COLGALT2: variants seen among roughly 807,000 people sequenced by gnomAD.
COLGALT2 encodes procollagen galactosyltransferase 2.
COLGALT2 carries 49 observed loss-of-function variants against 73.4 expected under a neutral mutation model. The observed-to-expected ratio is 0.67, with a 90% confidence interval of 0.53 to 0.85. COLGALT2 has a LOEUF of 0.85. COLGALT2 is among the 40% of genes least tolerant of loss of function. COLGALT2 has a pLI of 0.00. For synonymous variants in COLGALT2, 295 were observed against 307.6 expected (o/e 0.96, Z 0.43); for missense variants, 722 against 790.2 (o/e 0.91, Z 1.03).
intron 1 of COLGALT2, among the ~76,000 whole-genome samples, chr1:184,004,062 A>T (rs967532105): frequency 2.0e-5 from 3 of 152,240 alleles, no homozygotes; most frequent in Non-Finnish European, 4.4e-5. Context: ...ACCATGCAGG[A>T]TCTAAAACGG....
intron 1 of COLGALT2, among the ~76,000 whole-genome samples, chr1:183,998,861 TACTC>T (rs1323352983): frequency 2.0e-5 from 3 of 152,108 alleles, no homozygotes; most frequent in African/African-American, 7.2e-5. Flanking sequence ...ATCTGTTAGA[TACTC>T]AGTTGGTATC....
chr1:183,968,946 A>G (rs988078353), intron 5 of COLGALT2, among the ~76,000 whole-genome samples: 2 of 152,148 alleles, frequency 1.3e-5, no homozygotes, highest in Admixed American at 1.3e-4. Flanking sequence ...TTCCTAATTA[A>G]TAAATGAACT....
chr1:183,966,793 G>A (rs932424153), intron 5 of COLGALT2, among the ~76,000 whole-genome samples: 4 of 152,168 alleles, frequency 2.6e-5, no homozygotes, highest in Non-Finnish European at 2.9e-5. Context: ...GAACAGAGAC[G>A]CGCCTATGAC....
In COLGALT2 at chr1:183,936,413, A is replaced by C. The variant is rs937834933; in HGVS notation, c.*2348T>G. 1.0e-6 allele frequency: 1 copy of C among 986,242 alleles called. No individual in the cohort carries two copies. The highest frequency in any genetic ancestry group is 1.7e-5 in the African/African-American group (1 of 57,210). 61.1% of individuals were successfully genotyped at this position (986,242 alleles called of 1,614,324 possible). ...AGAAACAAACCGGGCTAAAGGAGAC[A>C]GAACTTTCTTCACAGTAGAACAGTC... On this transcript the variant is annotated 3_prime_UTR_variant, in exon 12 of 12. Coordinates refer to ENST00000361927, the MANE Select transcript of COLGALT2 (RefSeq NM_015101.4).
Position 183,978,520 on chromosome 1 carries a change from C to CCTGCAT in COLGALT2, c.264-6_264-1dup (p.Trp88delinsTer). On this transcript the variant is annotated stop_gained and splice_region_variant. Coordinates refer to ENST00000361927, the MANE Select transcript of COLGALT2 (RefSeq NM_015101.4). LOFTEE classifies it high-confidence loss of function. ...TATCCACATTGTGATCAGTGGCTGC[C>CCTGCAT]CTGCATGAGAGAAAGCACAATATAG... 6.3e-7 allele frequency: 1 copy of CCTGCAT among 1,577,250 alleles called. No individual in the cohort carries two copies. Among genetic ancestry groups the CCTGCAT allele is most frequent in the Non-Finnish European group, 8.7e-7 (1 of 1,148,242 alleles).
chr1:184,030,218 C>T (rs1397244086), intron 1 of COLGALT2, among the ~76,000 whole-genome samples: 1 of 152,134 alleles, frequency 6.6e-6, no homozygotes, highest in Non-Finnish European at 1.5e-5. Flanking sequence ...ATGCTAACAA[C>T]ATATCAATTA....
At position 184,003,645 on chromosome 1, in the gene COLGALT2, A is replaced by G. The variant is rs1671990005; in HGVS notation, c.264-25125T>C. Reference sequence around the variant, plus strand: ...TCACAGAATTGATGATTGTGGTAAAACAGTTGTGCTTTTTTGATACTAAGT... The same window carrying G: ...TCACAGAATTGATGATTGTGGTAAAGCAGTTGTGCTTTTTTGATACTAAGT... On this transcript the variant is annotated intron_variant, in intron 1 of 11. Coordinates refer to ENST00000361927, the MANE Select transcript of COLGALT2 (RefSeq NM_015101.4). Among the ~76,000 whole-genome samples the G allele has an allele frequency of 1.3e-5, 2 of 152,160 alleles. 1 individual carries two copies. Among genetic ancestry groups the G allele is most frequent in the South Asian group, 4.1e-4 (2 of 4,834 alleles).
chr1:183,938,156 C>CA lies in COLGALT2; in HGVS notation c.*604_*605insT. 1 of 986,050 alleles carries CA rather than the reference C, an allele frequency of 1.0e-6. No individual in the cohort carries two copies. The highest frequency in any genetic ancestry group is 1.2e-6 in the Non-Finnish European group (1 of 830,514). 61.1% of individuals were successfully genotyped at this position (986,050 alleles called of 1,614,324 possible). ...TGATGGTCACAGGCCAAGTCTCAGT[C>CA]GGACCCAAATACCCACCCCTACTGG... On this transcript the variant is annotated 3_prime_UTR_variant, in exon 12 of 12. Transcript: ENST00000361927.
At position 184,000,839 on chromosome 1, in the gene COLGALT2, T is replaced by G. The variant is rs866261371; in HGVS notation, c.264-22319A>C. 2.8e-3 allele frequency among the ~76,000 whole-genome samples: 417 copies of G among 148,232 alleles called. 1 individual carries two copies. The highest frequency in any genetic ancestry group is 9.4e-3 in the African/African-American group (373 of 39,806). The stretch of plus-strand genomic sequence containing the variant: ...TTCAGCCCCCCATTTTTTTTTTTTT[T>G]TTTTTTTTGAGACTGAGTCTCGCTC... On this transcript the variant is annotated intron_variant, in intron 1 of 11. Transcript: ENST00000361927.
intron 2 of COLGALT2, among the ~76,000 whole-genome samples, chr1:183,977,624 A>G (rs1457258909): frequency 2.0e-5 from 3 of 152,030 alleles, no homozygotes; most frequent in Non-Finnish European, 2.9e-5. Context: ...TGTCTCTACA[A>G]AAAATAAAAA....
intron 11 of COLGALT2, among the ~76,000 whole-genome samples, 172 bp downstream of exon 11, chr1:183,940,409 A>G (rs1236235642): frequency 6.6e-6 from 1 of 152,236 alleles, no homozygotes; most frequent in Non-Finnish European, 1.5e-5. Context: ...TCACCTTCCC[A>G]TCTGTACAAA....
At chr1:183,942,759 T>A (rs941993952) in intron 10 of COLGALT2, among the ~76,000 whole-genome samples, 18 of 152,252 alleles carry the variant, frequency 1.2e-4, no homozygotes, top group African/African-American at 4.3e-4. Flanking sequence ...TTTGACTTGA[T>A]CAACCTGTGA....
At chr1:183,942,264 C>T (rs1259519471) in intron 10 of COLGALT2, among the ~76,000 whole-genome samples, 2 of 151,622 alleles carry the variant, frequency 1.3e-5, no homozygotes, top group Non-Finnish European at 2.9e-5. Flanking sequence ...ACTTAAACAG[C>T]TGAAAATTTA....
In COLGALT2 at chr1:183,940,753, G is replaced by A. The variant is rs751313326; in HGVS notation, c.1432C>T (p.Pro478Ser). 3 of 1,614,200 alleles carry A rather than the reference G, an allele frequency of 1.9e-6. No homozygotes were observed. The highest frequency in any genetic ancestry group is 2.5e-6 in the Non-Finnish European group (3 of 1,180,022). ...IGRKRMQVKE[P>S]EKAVPNVANL... The stretch of plus-strand genomic sequence containing the variant: ...GCCACATTGGGCACTGCTTTCTCTG[G>A]CTCCTTTACTTGCATCCTCTTCCTA... The change falls in exon 11 of 12, where the codon CCA becomes TCA. Residue 478 changes from proline to serine, a missense_variant. Pro to Ser is a moderately conservative substitution (Grantham distance 74, BLOSUM62 -1). Transcript: ENST00000361927.
At chr1:183,962,768 C>T (rs1670750081) in intron 6 of COLGALT2, among the ~76,000 whole-genome samples, 1 of 152,208 alleles carries the variant, frequency 6.6e-6, no homozygotes, top group South Asian at 2.1e-4. Flanking sequence ...CCATGCATCC[C>T]ATGCATGCTC....
At chr1:183,958,189 T>G (rs1670604686) in intron 6 of COLGALT2, among the ~76,000 whole-genome samples, 1 of 152,174 alleles carries the variant, frequency 6.6e-6, no homozygotes, top group Non-Finnish European at 1.5e-5. Flanking sequence ...GTCATTGTCG[T>G]CATAACCCTT....
intron 11 of COLGALT2, among the ~76,000 whole-genome samples, chr1:183,940,370 C>G (rs1411410628): frequency 2.0e-5 from 3 of 152,222 alleles, no homozygotes; most frequent in Non-Finnish European, 4.4e-5. Context: ...TTACAAGAAT[C>G]TCTGGGCAGG....
intron 9 of COLGALT2, among the ~76,000 whole-genome samples, 189 bp from the exon 10 acceptor site, chr1:183,944,512 CAATT>C (rs1275081469): frequency 6.6e-6 from 1 of 152,092 alleles, no homozygotes; most frequent in African/African-American, 2.4e-5. Flanking sequence ...TATATGATCA[CAATT>C]AAACGCAACG....
chr1:184,028,765 A>G (rs1649406537), intron 1 of COLGALT2, among the ~76,000 whole-genome samples: 1 of 152,284 alleles, frequency 6.6e-6, no homozygotes, highest in South Asian at 2.1e-4. Context: ...TATTTATGTT[A>G]TTATTTGTGT....
Sources: gnomAD v4.1 joint callset for allele counts (sites outside exome capture counted in the v4.1 genomes callset) on GRCh38, gnomAD v4.1.1 for gene constraint, MANE v1.5 for transcripts, NCBI Gene and HGNC (gene_info 2026-07-23, HGNC 2026-07-21) for gene names.